Variants in RHPN2 observed in about 807,000 individuals in gnomAD.
RHPN2 encodes rhophilin Rho GTPase binding protein 2.
RHPN2 carries 40 observed loss-of-function variants against 79.0 expected under a neutral mutation model. The observed-to-expected ratio is 0.51, with a 90% CI of 0.39 to 0.66. RHPN2 has a LOEUF of 0.66. Among genes scored for constraint, RHPN2 ranks in the 30% least tolerant of loss-of-function variants. The probability of loss-of-function intolerance (pLI) is 0.00; values close to 1 mark genes in which losing one functional copy is unlikely to be tolerated. For synonymous variants in RHPN2, 285 were observed against 363.5 expected (o/e 0.78, Z 2.46); for missense variants, 686 against 883.5 (o/e 0.78, Z 2.83).
chr19:33,007,487 C>CATAAATAA (rs58950332), intron 7 of RHPN2, among the ~76,000 whole-genome samples: 1,708 of 148,162 alleles, frequency 0.012, 10 homozygotes, highest in Non-Finnish European at 0.013. Flanking sequence ...AACTCCATCT[C>CATAAATAA]ATAAATAAAT....
chr19:32,996,653 C>CT (rs746860484), intron 10 of RHPN2, among the ~76,000 whole-genome samples: 24 of 152,020 alleles, frequency 1.6e-4, no homozygotes, highest in Non-Finnish European at 3.1e-4. Context: ...TAACCAATTA[C>CT]TTTTTTTTAA....
At chr19:33,048,082 A>C (rs1026418465) in intron 1 of RHPN2, among the ~76,000 whole-genome samples, 11 of 151,848 alleles carry the variant, frequency 7.2e-5, no homozygotes, top group Admixed American at 6.6e-4. Context: ...TCGGAATTCG[A>C]GTTGGCTTCT....
intron 1 of RHPN2, among the ~76,000 whole-genome samples, chr19:33,044,627 T>G (rs150960433): frequency 1.2e-3 from 190 of 152,332 alleles, no homozygotes; most frequent in African/African-American, 4.3e-3. Flanking sequence ...GCACTGTGGC[T>G]CATGCCTGTA....
chr19:33,020,176 G>C (rs1382641850), intron 4 of RHPN2, among the ~76,000 whole-genome samples: 1 of 152,170 alleles, frequency 6.6e-6, no homozygotes, highest in Non-Finnish European at 1.5e-5. Flanking sequence ...GCAAATGGGA[G>C]AGGAGTCCAG....
chr19:33,010,379 T>TA (rs1194181952), intron 6 of RHPN2, among the ~76,000 whole-genome samples: 5 of 127,342 alleles, frequency 3.9e-5, no homozygotes, highest in Admixed American at 1.8e-4. Flanking sequence ...TACTTTTTTT[T>TA]AGGTTGTTTT....
At chr19:33,048,073 C>A (rs143560927) in intron 1 of RHPN2, among the ~76,000 whole-genome samples, 2 of 152,014 alleles carry the variant, frequency 1.3e-5, no homozygotes, top group African/African-American at 4.8e-5. Flanking sequence ...CACAGATATT[C>A]GGAATTCGAG....
At position 32,985,001 on chromosome 19, in the gene RHPN2, T is replaced by C. The variant is rs1191247995; in HGVS notation, c.1801-4745A>G. Among the ~76,000 whole-genome samples, 7 of 146,208 alleles carry C rather than the reference T, an allele frequency of 4.8e-5. 1 individual carries two copies. In the East Asian group the frequency reaches 1.4e-3, roughly 29 times the overall value. ...CACGCCTATAGTCCCAGCTACTTGG[T>C]AGGATTTTTTTTTTTGAGATGGAGT... On this transcript the variant is annotated intron_variant, in intron 14 of 14. Transcript: ENST00000254260.
At chr19:33,001,039 C>T (rs1463206721) in intron 9 of RHPN2, among the ~76,000 whole-genome samples, 2 of 152,136 alleles carry the variant, frequency 1.3e-5, no homozygotes, top group African/African-American at 2.4e-5. Context: ...CCTTCGTTTT[C>T]GTTTTCATGA....
chr19:32,995,588 GTGGCTTACCC>G (rs1329055883), intron 11 of RHPN2, among the ~76,000 whole-genome samples: 3 of 152,062 alleles, frequency 2.0e-5, no homozygotes, highest in Non-Finnish European at 4.4e-5. Context: ...GCCAGGTGTG[GTGGCTTACCC>G]TGGTAATCCC....
intron 7 of RHPN2, 58 bp from the exon 8 acceptor site, chr19:33,003,058 G>C: frequency 6.6e-7 from 1 of 1,523,772 alleles, no homozygotes; most frequent in South Asian, 1.2e-5. Context: ...TCATCACGTT[G>C]CTATAGAGAA....
chr19:33,011,646 C>A, intron 6 of RHPN2, 33 bp downstream of exon 6: 8 of 1,613,834 alleles, frequency 5.0e-6, no homozygotes, highest in Non-Finnish European at 6.8e-6. Flanking sequence ...TGCCATAACA[C>A]GTGAAGCGCC....
At chr19:33,052,439 C>T (rs1334615945) in intron 1 of RHPN2, among the ~76,000 whole-genome samples, 2 of 152,206 alleles carry the variant, frequency 1.3e-5, no homozygotes, top group African/African-American at 4.8e-5. Context: ...GAGACCTTCC[C>T]ACGGGATACA....
intron 14 of RHPN2, among the ~76,000 whole-genome samples, chr19:32,990,156 AGAAAGAAAGAGC>A (rs1028736133): frequency 3.3e-5 from 5 of 151,458 alleles, no homozygotes; most frequent in African/African-American, 1.2e-4. Flanking sequence ...AAAGAAAGAA[AGAAAGAAAGAGC>A]GAGCCAGGGG....
chr19:33,042,946 G>A (rs1382553067), intron 2 of RHPN2, among the ~76,000 whole-genome samples: 2 of 152,100 alleles, frequency 1.3e-5, no homozygotes, highest in Non-Finnish European at 2.9e-5. Flanking sequence ...GGGCACGGTG[G>A]CGGGCACCTG....
chr19:33,006,642 C>T (rs1220895684), intron 7 of RHPN2, among the ~76,000 whole-genome samples: 1 of 152,190 alleles, frequency 6.6e-6, no homozygotes, highest in African/African-American at 2.4e-5. Flanking sequence ...GCATCCATCC[C>T]CACGTGGAGT....
chr19:33,011,362 C>T (rs1288539011), intron 6 of RHPN2, among the ~76,000 whole-genome samples: 6 of 152,158 alleles, frequency 3.9e-5, no homozygotes, highest in Non-Finnish European at 7.4e-5. Flanking sequence ...ATAAGAATCT[C>T]GCTTCTGGCT....
At chr19:33,046,673 A>G (rs894464615) in intron 1 of RHPN2, among the ~76,000 whole-genome samples, 1 of 152,212 alleles carries the variant, frequency 6.6e-6, no homozygotes, top group African/African-American at 2.4e-5. Context: ...GTTCCAATTC[A>G]TCTACATCTC....
rs538026902 is a variant in RHPN2 at position 32,979,683 on chromosome 19, G to A, written c.*313C>T. 1.2e-5 allele frequency: 4 copies of A among 342,526 alleles called. No individual in the cohort carries two copies. The highest frequency in any genetic ancestry group is 2.2e-5 in the Non-Finnish European group (4 of 183,166). The allele number at this position is 342,526 out of a possible 1,614,324, so 21.2% of individuals were successfully genotyped here. On this transcript the variant is annotated 3_prime_UTR_variant, in exon 15 of 15. Transcript: ENST00000254260. ...ATATAGGTAACCCCAATTTAATAGT[G>A]ACTAAAAGTCATAATTGTCACCATT...
chr19:32,985,294 A>G (rs957841156), intron 14 of RHPN2, among the ~76,000 whole-genome samples: 1 of 152,184 alleles, frequency 6.6e-6, no homozygotes, highest in African/African-American at 2.4e-5. Flanking sequence ...AGCCTGGGCA[A>G]CTGAGTTAGA....
Sources: gnomAD v4.1 joint callset for allele counts (sites outside exome capture counted in the v4.1 genomes callset) on GRCh38, gnomAD v4.1.1 for gene constraint, MANE v1.5 for transcripts, NCBI Gene and HGNC (gene_info 2026-07-23, HGNC 2026-07-21) for gene names.